Variants in PDE4D observed in about 807,000 individuals in gnomAD.
PDE4D encodes the protein phosphodiesterase 4D, also known as 3',5'-cyclic-AMP phosphodiesterase 4D.
A neutral mutation model predicts 87.4 loss-of-function variants in PDE4D; 24 were observed. The observed-to-expected ratio is 0.27, with a 90% CI of 0.20 to 0.39. PDE4D has a LOEUF of 0.39. PDE4D is among the 10% of genes least tolerant of loss of function. PDE4D has a pLI of 1.00. For synonymous variants in PDE4D, 384 were observed against 383.2 expected (o/e 1.00, Z -0.02); for missense variants, 714 against 1,041.0 (o/e 0.69, Z 4.32).
intron 1 of PDE4D, among the ~76,000 whole-genome samples, chr5:59,353,283 T>C (rs920228116): frequency 6.6e-6 from 1 of 152,170 alleles, no homozygotes; most frequent in African/African-American, 2.4e-5. Flanking sequence ...TGTTCTCTTA[T>C]TGGAGTTGTC....
intron 5 of PDE4D, among the ~76,000 whole-genome samples, chr5:59,075,030 T>C (rs917792090): frequency 1.3e-5 from 2 of 151,318 alleles, no homozygotes; most frequent in African/African-American, 4.9e-5. Flanking sequence ...AATTTGCTGT[T>C]GGCTCCTTGA....
intron 5 of PDE4D, among the ~76,000 whole-genome samples, chr5:59,082,118 A>G (rs1766877619): frequency 2.0e-5 from 3 of 152,146 alleles, no homozygotes. Flanking sequence ...TAAATTACCC[A>G]GTCTAGGGTA....
intron 1 of PDE4D, among the ~76,000 whole-genome samples, chr5:59,377,678 CT>C (rs1191760231): frequency 6.6e-6 from 1 of 152,136 alleles, no homozygotes. Context: ...TGAACAGGCA[CT>C]TTTCAAAAGA....
intron 1 of PDE4D, among the ~76,000 whole-genome samples, chr5:59,362,156 A>G (rs1782325371): frequency 6.6e-6 from 1 of 152,194 alleles, no homozygotes; most frequent in Non-Finnish European, 1.5e-5. Flanking sequence ...GGCAATTTAT[A>G]TAAAAACATT....
At chr5:59,635,837 C>A (rs1320676321) in intron 1 of PDE4D, among the ~76,000 whole-genome samples, 1 of 152,210 alleles carries the variant, frequency 6.6e-6, no homozygotes, top group Non-Finnish European at 1.5e-5. Context: ...GACAAGGATG[C>A]CCTCTTTCAC....
intron 2 of PDE4D, among the ~76,000 whole-genome samples, chr5:59,990,206 G>A (rs991369247): frequency 1.3e-5 from 2 of 152,076 alleles, no homozygotes; most frequent in Admixed American, 6.6e-5. Context: ...TTCTCCATCT[G>A]AAGACTGAGA....
intron 2 of PDE4D, among the ~76,000 whole-genome samples, chr5:60,040,844 G>A (rs1768396170): frequency 6.6e-6 from 1 of 151,978 alleles, no homozygotes; most frequent in East Asian, 1.9e-4. Flanking sequence ...AACTCAATGA[G>A]GTAACATTTT....
chr5:59,175,996 C>A (rs1783827389), intron 5 of PDE4D, among the ~76,000 whole-genome samples: 1 of 151,864 alleles, frequency 6.6e-6, no homozygotes, highest in South Asian at 2.1e-4. Context: ...GTTAGGTACT[C>A]AAATCTCCAA....
intron 2 of PDE4D, among the ~76,000 whole-genome samples, chr5:60,168,726 A>G (rs1320405052): frequency 6.6e-6 from 1 of 152,182 alleles, no homozygotes; most frequent in Admixed American, 6.5e-5. Context: ...AAATAGTTAC[A>G]CTGTATTTTT....
chr5:60,459,865 T>C, intron 1 of PDE4D: 1 of 625,672 alleles, frequency 1.6e-6, no homozygotes, highest in African/African-American at 1.8e-5. Context: ...TTTTCCTTCA[T>C]CCTTCTCTCC....
At chr5:59,985,131 G>GTTTTTTGTTTTTTGTTTTTTA in intron 3 of PDE4D, among the ~76,000 whole-genome samples, 1 of 116,166 alleles carries the variant, frequency 8.6e-6, no homozygotes, top group African/African-American at 2.8e-5. Context: ...TTCGTTTTTT[G>GTTTTTTGTTTTTTGTTTTTTA]TTTTTTGTTT....
At chr5:59,400,803 GAT>G (rs1365859975) in intron 1 of PDE4D, among the ~76,000 whole-genome samples, 1 of 152,056 alleles carries the variant, frequency 6.6e-6, no homozygotes, top group Non-Finnish European at 1.5e-5. Flanking sequence ...CTGCATTTTA[GAT>G]ATGAGAGAAA....
intron 1 of PDE4D, among the ~76,000 whole-genome samples, chr5:59,617,393 C>A (rs1181215053): frequency 6.6e-6 from 1 of 152,122 alleles, no homozygotes; most frequent in East Asian, 1.9e-4. Context: ...AATAATAGCA[C>A]CACGAATAAA....
At chr5:60,293,636 T>C (rs544029749) in intron 1 of PDE4D, among the ~76,000 whole-genome samples, 2 of 152,356 alleles carry the variant, frequency 1.3e-5, no homozygotes, top group African/African-American at 2.4e-5. Flanking sequence ...CTAACCTTTT[T>C]CCCTTTTTCT....
intron 5 of PDE4D, among the ~76,000 whole-genome samples, chr5:59,111,429 G>A (rs1448258659): frequency 6.6e-6 from 1 of 152,162 alleles, no homozygotes; most frequent in Non-Finnish European, 1.5e-5. Flanking sequence ...ATCATAGAAA[G>A]CTATTTAGGA....
chr5:60,037,192 T>C (rs1313808553), intron 2 of PDE4D, among the ~76,000 whole-genome samples: 1 of 152,200 alleles, frequency 6.6e-6, no homozygotes, highest in Non-Finnish European at 1.5e-5. Flanking sequence ...AGCCATTATA[T>C]AATCTTGAAG....
intron 1 of PDE4D, among the ~76,000 whole-genome samples, chr5:60,423,764 T>G (rs1428851090): frequency 6.6e-6 from 1 of 152,048 alleles, no homozygotes; most frequent in African/African-American, 2.4e-5. Context: ...AGAAGTTGGT[T>G]TTTTGAAAAG....
intron 1 of PDE4D, among the ~76,000 whole-genome samples, chr5:59,624,673 T>A (rs1446989209): frequency 6.6e-6 from 1 of 152,262 alleles, no homozygotes; most frequent in East Asian, 1.9e-4. Context: ...GAATTATTTC[T>A]GGCAGTTTTT....
chr5:58,975,864 A>T lies in PDE4D; in HGVS notation c.1831-25T>A. On this transcript the variant is annotated intron_variant, in intron 13 of 14. Coordinates refer to ENST00000340635, the MANE Select transcript of PDE4D (RefSeq NM_001104631.2). This position sits in a 1 kb window ranked among gnomAD's most constrained non-coding sequence, Gnocchi z 4.2. ...CCTAAAATAGATGGATGCATTCTCT[A>T]TTCACTCCTGTTCCTTTTTTTTAAA... 1 of 1,382,836 alleles carries T rather than the reference A, an allele frequency of 7.2e-7. No homozygotes were observed. The highest frequency in any genetic ancestry group is 9.5e-7 in the Non-Finnish European group (1 of 1,051,352). 85.7% of individuals were successfully genotyped at this position (1,382,836 alleles called of 1,614,324 possible).
Sources: allele counts gnomAD v4.1 joint callset (sites outside exome capture counted in the v4.1 genomes callset), GRCh38; gene constraint gnomAD v4.1.1; non-coding constraint Gnocchi (gnomAD v3.1); transcripts MANE v1.5; gene names NCBI Gene and HGNC (gene_info 2026-07-23, HGNC 2026-07-21).